INPP4A: variants seen among roughly 807,000 people sequenced by gnomAD.
The protein encoded by INPP4A is inositol polyphosphate-4-phosphatase, type I, 107kD.
A neutral mutation model predicts 119.8 loss-of-function variants in INPP4A; 33 were observed. The observed-to-expected ratio is 0.28, with a 90% CI of 0.21 to 0.37. The LOEUF (loss-of-function observed/expected upper bound fraction) is 0.37, where lower values mean the gene tolerates loss of function less well. Ranked by LOEUF, INPP4A falls within the 10% of genes least tolerant of loss-of-function variation. INPP4A has a pLI of 1.00. For missense variants in INPP4A, 956 were observed against 1,289.9 expected (o/e 0.74, Z 3.97); for synonymous variants, 496 against 500.7 (o/e 0.99, Z 0.12).
chr2:98,481,642 T>C (rs1057116781), intron 1 of INPP4A, among the ~76,000 whole-genome samples: 5 of 152,218 alleles, frequency 3.3e-5, no homozygotes, highest in Non-Finnish European at 5.9e-5. Context: ...GAAGGATTTA[T>C]TATGTTTCCA....
chr2:98,487,574 G>GT (rs1415112529), intron 1 of INPP4A, among the ~76,000 whole-genome samples: 2 of 152,030 alleles, frequency 1.3e-5, no homozygotes, highest in South Asian at 2.1e-4. Flanking sequence ...GGACTCAATG[G>GT]TTTTTTTGTT....
intron 5 of INPP4A, among the ~76,000 whole-genome samples, chr2:98,535,420 G>C (rs866590930): frequency 6.6e-6 from 1 of 152,154 alleles, no homozygotes; most frequent in South Asian, 2.1e-4. Flanking sequence ...ACTTGTTTCA[G>C]TTTTTAAAAA....
chr2:98,533,318 G>GA (rs1224685653), intron 4 of INPP4A, 59 bp from the exon 5 acceptor site: 1 of 1,103,178 alleles, frequency 9.1e-7, no homozygotes, highest in African/African-American at 1.5e-5. Flanking sequence ...GTTTGGAACA[G>GA]AAAACTAATC....
chr2:98,501,370 AC>A lies in INPP4A; in HGVS notation c.-165-17593del, dbSNP rs367971561. Among the ~76,000 whole-genome samples, 50 of 152,348 alleles carry A rather than the reference AC, an allele frequency of 3.3e-4. No homozygotes were observed. In the East Asian group the frequency reaches 9.4e-3, roughly 29 times the overall value. On this transcript the variant is annotated intron_variant, in intron 1 of 24. Coordinates refer to ENST00000409851, the MANE Select transcript of INPP4A (RefSeq NM_001134225.2). ...GTATTTAAAGAAAAACCTGTGGACCACAGTACAAGGTCATGGTAGAAGCAAT... is the reference window on the plus strand; with the variant it reads ...GTATTTAAAGAAAAACCTGTGGACCAAGTACAAGGTCATGGTAGAAGCAAT...
intron 1 of INPP4A, among the ~76,000 whole-genome samples, chr2:98,472,232 G>A (rs1198159653): frequency 1.3e-5 from 2 of 152,248 alleles, no homozygotes; most frequent in Non-Finnish European, 2.9e-5. Context: ...GTCCCTGTTG[G>A]GGTCCGGGGT....
intron 1 of INPP4A, among the ~76,000 whole-genome samples, chr2:98,488,977 GTGTGTGTA>G (rs1680133552): frequency 6.6e-6 from 1 of 150,526 alleles, no homozygotes; most frequent in African/African-American, 2.5e-5. Flanking sequence ...GTGTGTGTGT[GTGTGTGTA>G]AATGGTGTAG....
At chr2:98,559,529 C>T (rs1405269533) in intron 17 of INPP4A, 34 bp downstream of exon 17, 8 of 1,604,926 alleles carry the variant, frequency 5.0e-6, no homozygotes, top group Non-Finnish European at 6.8e-6. Context: ...CCTGCTGATG[C>T]CCTTTTAATT....
At chr2:98,482,039 T>A (rs1463705976) in intron 1 of INPP4A, among the ~76,000 whole-genome samples, 1 of 152,238 alleles carries the variant, frequency 6.6e-6, no homozygotes, top group Admixed American at 6.5e-5. Context: ...TTTGGGAAGC[T>A]GCAGTGGGAG....
intron 1 of INPP4A, among the ~76,000 whole-genome samples, chr2:98,446,856 A>T (rs190617345): frequency 1.6e-3 from 239 of 151,748 alleles, no homozygotes; most frequent in African/African-American, 3.3e-3. Context: ...AGCGTTTTTT[A>T]AAAAAAAATC....
Position 98,546,441 on chromosome 2 carries a change from G to A in INPP4A, c.1055-145G>A. ...CTGGGCTCCAGCAGACCCTTGGGCA[G>A]CCAGGGCTGTGGGATCAGGGGAACC... On this transcript the variant is annotated intron_variant, in intron 12 of 24. Transcript: ENST00000409851. The surrounding 1 kb of genome is among the most constrained non-coding windows in gnomAD (Gnocchi z 4.2). 1.6e-6 allele frequency: 1 copy of A among 620,390 alleles called. No individual in the cohort carries two copies. The allele number at this position is 620,390 out of a possible 1,614,324, so 38.4% of individuals were successfully genotyped here. A position where few individuals can be genotyped will look rare whatever the true frequency, so the allele number is the denominator to read the frequency against.
intron 10 of INPP4A, 132 bp from the exon 11 acceptor site, chr2:98,543,745 A>T: frequency 8.9e-7 from 1 of 1,126,396 alleles, no homozygotes; most frequent in Non-Finnish European, 1.3e-6. Flanking sequence ...AGGCAGTGTA[A>T]CCATTGTCCT....
chr2:98,546,492 G>A lies in INPP4A; in HGVS notation c.1055-94G>A. The A allele has an allele frequency of 1.2e-6, 1 of 812,918 alleles. No homozygotes were observed. The highest frequency in any genetic ancestry group is 1.7e-5 in the South Asian group (1 of 58,898). 50.4% of individuals were successfully genotyped at this position (812,918 alleles called of 1,614,324 possible). A position where few individuals can be genotyped will look rare whatever the true frequency, so the allele number is the denominator to read the frequency against. ...AAAGGCTGTACAGCAGTGGGCTGGA[G>A]GGTCAGGACCCCAGACTTGTGTGCA... On this transcript the variant is annotated intron_variant, in intron 12 of 24. Transcript: ENST00000409851. The surrounding 1 kb of genome is among the most constrained non-coding windows in gnomAD (Gnocchi z 4.2).
chr2:98,471,766 G>A (rs937516261), intron 1 of INPP4A, among the ~76,000 whole-genome samples: 16 of 152,198 alleles, frequency 1.1e-4, no homozygotes, highest in African/African-American at 1.9e-4. Flanking sequence ...CCCCCTAGCC[G>A]CCAGGAGTGC....
At chr2:98,449,266 AGAT>A (rs1048285884) in intron 1 of INPP4A, among the ~76,000 whole-genome samples, 2 of 152,254 alleles carry the variant, frequency 1.3e-5, no homozygotes, top group African/African-American at 4.8e-5. Context: ...GATAGTAGGC[AGAT>A]GATGATTTTC....
At chr2:98,519,765 G>C (rs1351987609) in intron 2 of INPP4A, 181 bp from the exon 3 acceptor site, 1 of 428,992 alleles carries the variant, frequency 2.3e-6, no homozygotes, top group African/African-American at 2.0e-5. Context: ...GTGTTGGGGA[G>C]TGGGGAGGAA....
chr2:98,565,556 G>A, intron 19 of INPP4A, 84 bp from the exon 20 acceptor site: 1 of 1,475,678 alleles, frequency 6.8e-7, no homozygotes, highest in Non-Finnish European at 9.1e-7. Flanking sequence ...TCACAGCCAG[G>A]CCTGGGCTTG....
intron 1 of INPP4A, among the ~76,000 whole-genome samples, chr2:98,456,435 A>AG (rs1574481367): frequency 6.6e-6 from 1 of 152,256 alleles, no homozygotes; most frequent in East Asian, 1.9e-4. Context: ...CCTGGGCTCA[A>AG]GCATCCTCCT....
intron 1 of INPP4A, among the ~76,000 whole-genome samples, chr2:98,467,069 G>GT (rs910706515): frequency 3.3e-5 from 5 of 152,188 alleles, no homozygotes; most frequent in African/African-American, 1.2e-4. Flanking sequence ...TCTACTCGTG[G>GT]TGGAAGGTGA....
chr2:98,520,211 C>T, intron 3 of INPP4A, 57 bp downstream of exon 3: 1 of 1,298,460 alleles, frequency 7.7e-7, no homozygotes, highest in South Asian at 1.3e-5. Flanking sequence ...CACCTGGGCT[C>T]CACACTGCAG....
Sources: allele counts gnomAD v4.1 joint callset (sites outside exome capture counted in the v4.1 genomes callset), GRCh38; gene constraint gnomAD v4.1.1; non-coding constraint Gnocchi (gnomAD v3.1); transcripts MANE v1.5; gene names NCBI Gene and HGNC (gene_info 2026-07-23, HGNC 2026-07-21).